Variants in ARHGEF4 observed in about 807,000 individuals in gnomAD.
The protein encoded by ARHGEF4 is APC-stimulated guanine nucleotide exchange factor 1.
Under a neutral mutation model 162.0 loss-of-function variants are expected in ARHGEF4, and 119 were observed. That is an observed-to-expected ratio of 0.73 (90% confidence interval 0.63 to 0.86). The LOEUF (loss-of-function observed/expected upper bound fraction) is 0.86, where lower values mean the gene tolerates loss of function less well. ARHGEF4 is among the 40% of genes least tolerant of loss of function. The probability of loss-of-function intolerance (pLI) is 0.00; values close to 1 mark genes in which losing one functional copy is unlikely to be tolerated. For synonymous variants in ARHGEF4, 1,014 were observed against 979.9 expected (o/e 1.03, Z -0.65); for missense variants, 2,488 against 2,456.0 (o/e 1.01, Z -0.28).
chr2:130,856,232 A>G (rs1681776173), intron 1 of ARHGEF4, among the ~76,000 whole-genome samples: 1 of 152,236 alleles, frequency 6.6e-6, no homozygotes, highest in South Asian at 2.1e-4. Flanking sequence ...AAAATTCACC[A>G]GAGGGGCTGA....
At chr2:131,039,820 G>A in intron 6 of ARHGEF4, 196 bp from the exon 7 acceptor site, 4 of 1,409,492 alleles carry the variant, frequency 2.8e-6, no homozygotes, top group Non-Finnish European at 3.7e-6. Flanking sequence ...CGGCGGCTGC[G>A]GGCGTCGGAG....
intron 1 of ARHGEF4, among the ~76,000 whole-genome samples, chr2:130,883,306 C>T (rs1168405728): frequency 2.0e-5 from 3 of 152,196 alleles, no homozygotes; most frequent in African/African-American, 7.2e-5. Flanking sequence ...ACCGAGTGTG[C>T]TGGGTGAGCA....
At chr2:130,987,295 G>A (rs541045075) in intron 4 of ARHGEF4, among the ~76,000 whole-genome samples, 5 of 152,356 alleles carry the variant, frequency 3.3e-5, no homozygotes, top group Non-Finnish European at 2.9e-5. Context: ...TCTCCCTGGG[G>A]TCCTGGTGTG....
rs1691198748 is a variant in ARHGEF4 at position 131,045,738 on chromosome 2, T to C, written c.5479+292T>C. 5.6e-6 allele frequency: 8 copies of C among 1,434,006 alleles called. No individual in the cohort carries two copies. The African/African-American group carries it at 1.1e-4, about 21-fold the overall frequency. The allele number at this position is 1,434,006 out of a possible 1,614,324, so 88.8% of individuals were successfully genotyped here. A position where few individuals can be genotyped will look rare whatever the true frequency, so the allele number is the denominator to read the frequency against. ...TCCTGACAGGCATCTGGGGTTGGTG[T>C]AGGGATGGAGCTGCTTTCCCCATTT... On this transcript the variant is annotated intron_variant, in intron 13 of 13. Transcript: ENST00000409359.
chr2:130,842,223 G>A (rs1680659961), intron 1 of ARHGEF4, among the ~76,000 whole-genome samples: 1 of 152,176 alleles, frequency 6.6e-6, no homozygotes, highest in Admixed American at 6.5e-5. Flanking sequence ...GAGGAGCAAG[G>A]GTTCAGTGGG....
At chr2:131,042,064 C>A in intron 10 of ARHGEF4, 120 bp downstream of exon 10, 1 of 1,363,102 alleles carries the variant, frequency 7.3e-7, no homozygotes. Flanking sequence ...TGGGAGCTAG[C>A]AACAGATGCT....
chr2:131,045,637 G>C lies in ARHGEF4; in HGVS notation c.5479+191G>C. 5.9e-6 allele frequency: 9 copies of C among 1,529,592 alleles called. 1 individual carries two copies. The South Asian group carries it at 1.0e-4, about 18-fold the overall frequency. The allele number at this position is 1,529,592 out of a possible 1,614,324, so 94.8% of individuals were successfully genotyped here. A position where few individuals can be genotyped will look rare whatever the true frequency, so the allele number is the denominator to read the frequency against. On this transcript the variant is annotated intron_variant, in intron 13 of 13. Coordinates refer to ENST00000409359, the MANE Select transcript of ARHGEF4 (RefSeq NM_001367493.1). ...GGGAAGCCTGGGTCAGTATATGGTTGACATTCTTACTCTCAACACCTTGGC... is the reference window on the plus strand; with the variant it reads ...GGGAAGCCTGGGTCAGTATATGGTTCACATTCTTACTCTCAACACCTTGGC...
chr2:130,926,070 C>CTTTCTT (rs1559043936), intron 2 of ARHGEF4, among the ~76,000 whole-genome samples: 1 of 141,650 alleles, frequency 7.1e-6, no homozygotes, highest in Non-Finnish European at 1.5e-5. Flanking sequence ...TTCTTTCTTT[C>CTTTCTT]TTTCTTTGGT....
At chr2:131,021,886 T>C (rs1452532109) in intron 4 of ARHGEF4, among the ~76,000 whole-genome samples, 1 of 152,250 alleles carries the variant, frequency 6.6e-6, no homozygotes, top group East Asian at 1.9e-4. Context: ...ACTTGGTCAA[T>C]GCTTTTTCTG....
intron 2 of ARHGEF4, among the ~76,000 whole-genome samples, chr2:130,928,853 C>A (rs921763790): frequency 4.6e-5 from 7 of 152,154 alleles, no homozygotes; most frequent in Non-Finnish European, 1.0e-4. Flanking sequence ...CTTTCTGGCC[C>A]CCTCCCCTGG....
intron 4 of ARHGEF4, among the ~76,000 whole-genome samples, chr2:130,990,658 G>T (rs1344018712): frequency 6.6e-6 from 1 of 152,082 alleles, no homozygotes; most frequent in Non-Finnish European, 1.5e-5. Flanking sequence ...TTCTGCAACC[G>T]GTAGGGAGGA....
intron 1 of ARHGEF4, among the ~76,000 whole-genome samples, chr2:130,869,662 G>T (rs895342716): frequency 2.6e-5 from 4 of 152,224 alleles, no homozygotes; most frequent in Non-Finnish European, 5.9e-5. Context: ...GAGAGGGTAT[G>T]AAAGGAAGCT....
At chr2:130,865,728 G>C (rs1682225891) in intron 1 of ARHGEF4, among the ~76,000 whole-genome samples, 1 of 151,334 alleles carries the variant, frequency 6.6e-6, no homozygotes, top group African/African-American at 2.5e-5. Flanking sequence ...TTGTTTGTTT[G>C]TTTTGCCTCC....
chr2:130,926,786 A>T (rs1361564544), intron 2 of ARHGEF4, among the ~76,000 whole-genome samples: 2 of 140,676 alleles, frequency 1.4e-5, no homozygotes, highest in Non-Finnish European at 3.1e-5. Context: ...TTTGGAAAAT[A>T]AACCTGAGAG....
intron 1 of ARHGEF4, among the ~76,000 whole-genome samples, chr2:130,839,858 T>C (rs946704010): frequency 2.0e-5 from 3 of 152,178 alleles, no homozygotes; most frequent in Non-Finnish European, 4.4e-5. Context: ...GGAATGTATG[T>C]CCTACTCTCT....
intron 4 of ARHGEF4, among the ~76,000 whole-genome samples, chr2:130,976,415 G>A (rs998648530): frequency 2.0e-5 from 3 of 151,744 alleles, no homozygotes; most frequent in African/African-American, 7.3e-5. Flanking sequence ...CTTGGAAAGT[G>A]CTTTAGTTTC....
rs1690169805 is a variant in ARHGEF4, at chr2:131,035,232, C to G, written c.4126-3621C>G. On this transcript the variant is annotated intron_variant, in intron 5 of 13. Coordinates refer to ENST00000409359, the MANE Select transcript of ARHGEF4 (RefSeq NM_001367493.1). ...TGGCGCTCCTGGTTCTCATCAACGT[C>G]GTACTGATCTTCCTGCTGGCCTTCC... The G allele has an allele frequency of 3.3e-6, 4 of 1,225,226 alleles. No homozygotes were observed. In the East Asian group the frequency reaches 1.3e-4, roughly 39 times the overall value. 75.9% of individuals were successfully genotyped at this position (1,225,226 alleles called of 1,614,324 possible).
At chr2:130,918,456 C>A (rs1014269733) in intron 2 of ARHGEF4, among the ~76,000 whole-genome samples, 1 of 145,174 alleles carries the variant, frequency 6.9e-6, no homozygotes, top group Non-Finnish European at 1.6e-5. Flanking sequence ...AAAAGTAAGG[C>A]TCCCTCAGCT....
chr2:130,999,880 G>A (rs187085103), intron 4 of ARHGEF4, among the ~76,000 whole-genome samples: 264 of 152,114 alleles, frequency 1.7e-3, no homozygotes, highest in Non-Finnish European at 2.9e-3. Context: ...CCTGGCTAAT[G>A]TTTGTATTTT....
Sources: gnomAD v4.1 joint callset for allele counts (sites outside exome capture counted in the v4.1 genomes callset) on GRCh38, gnomAD v4.1.1 for gene constraint, MANE v1.5 for transcripts, NCBI Gene and HGNC (gene_info 2026-07-23, HGNC 2026-07-21) for gene names.